The following RANBP17 variants were observed in gnomAD, a reference collection of about 807,000 sequenced individuals.
The protein encoded by RANBP17 is ran-binding protein 17.
Under a neutral mutation model 141.2 loss-of-function variants are expected in RANBP17, and 158 were observed. The observed-to-expected ratio is 1.12, with a 90% CI of 0.98 to 1.28. RANBP17 has a LOEUF of 1.28. Among genes scored for constraint, RANBP17 ranks in the 50% most tolerant of loss-of-function variants. The pLI is 0.00. For missense variants in RANBP17, 1,438 were observed against 1,290.7 expected (o/e 1.11, Z -1.75); for synonymous variants, 430 against 450.0 (o/e 0.96, Z 0.56).
chr5:171,016,773 T>A (rs1394784176), intron 14 of RANBP17, among the ~76,000 whole-genome samples: 2 of 152,012 alleles, frequency 1.3e-5, no homozygotes, highest in Non-Finnish European at 2.9e-5. Flanking sequence ...ATAATATGCA[T>A]TTTTTTATGT....
chr5:171,066,948 G>A (rs767272469), intron 14 of RANBP17, among the ~76,000 whole-genome samples: 10 of 152,112 alleles, frequency 6.6e-5, no homozygotes, highest in Non-Finnish European at 1.0e-4. Context: ...TATGAAGAAA[G>A]TTTTTTGTTT....
chr5:171,234,836 T>C (rs1764436833), intron 22 of RANBP17, among the ~76,000 whole-genome samples: 1 of 152,212 alleles, frequency 6.6e-6, no homozygotes, highest in South Asian at 2.1e-4. Context: ...AATATGGATT[T>C]TTGATTCTGG....
At chr5:171,220,307 C>T (rs892880728) in intron 21 of RANBP17, among the ~76,000 whole-genome samples, 5 of 151,196 alleles carry the variant, frequency 3.3e-5, no homozygotes, top group African/African-American at 1.2e-4. Context: ...TGTCAGTCAC[C>T]CCCCTACTGG....
intron 5 of RANBP17, among the ~76,000 whole-genome samples, chr5:170,898,957 G>T (rs1770379513): frequency 6.6e-6 from 1 of 152,142 alleles, no homozygotes; most frequent in Non-Finnish European, 1.5e-5. Context: ...GTAGCATGAT[G>T]CCTCCAGCTT....
intron 12 of RANBP17, among the ~76,000 whole-genome samples, chr5:170,928,011 A>ACT (rs1464951077): frequency 6.6e-6 from 1 of 151,980 alleles, no homozygotes; most frequent in Non-Finnish European, 1.5e-5. Flanking sequence ...AGTTTCACTT[A>ACT]CTCTGCATCC....
At chr5:171,256,805 G>GA (rs372648850) in intron 24 of RANBP17, among the ~76,000 whole-genome samples, 27 of 151,412 alleles carry the variant, frequency 1.8e-4, no homozygotes, top group Middle Eastern at 6.8e-3. Flanking sequence ...AGAAAGCCTA[G>GA]AAAAAAATGG....
At chr5:171,199,890 A>C (rs770996515) in intron 19 of RANBP17, 117 bp downstream of exon 19, 20 of 512,590 alleles carry the variant, frequency 3.9e-5, no homozygotes, top group Non-Finnish European at 5.9e-5. Context: ...CTGCTTTCCC[A>C]ATTGCATGTC....
intron 14 of RANBP17, among the ~76,000 whole-genome samples, chr5:170,977,327 TA>T (rs879304559): frequency 8.8e-4 from 131 of 148,248 alleles, no homozygotes; most frequent in African/African-American, 2.5e-3. Flanking sequence ...TGAATATGAT[TA>T]AAAAAAAAAG....
chr5:171,056,332 C>T (rs958746036), intron 14 of RANBP17, among the ~76,000 whole-genome samples: 7 of 152,028 alleles, frequency 4.6e-5, no homozygotes, highest in African/African-American at 1.7e-4. Flanking sequence ...TTATAAACCA[C>T]CTTTTAAAGA....
chr5:170,994,686 C>T (rs1778707669), intron 14 of RANBP17, among the ~76,000 whole-genome samples: 1 of 151,744 alleles, frequency 6.6e-6, no homozygotes, highest in African/African-American at 2.4e-5. Context: ...TTTTCAATAC[C>T]CTCTAGTAGA....
At chr5:170,964,563 A>G (rs147878188) in intron 13 of RANBP17, among the ~76,000 whole-genome samples, 2 of 152,014 alleles carry the variant, frequency 1.3e-5, no homozygotes, top group East Asian at 3.9e-4. Flanking sequence ...CCACCCCACA[A>G]CAGTCCACAG....
chr5:170,914,806 G>A (rs1771816324), intron 8 of RANBP17, among the ~76,000 whole-genome samples: 1 of 152,100 alleles, frequency 6.6e-6, no homozygotes, highest in Non-Finnish European at 1.5e-5. Flanking sequence ...GAGACTCTTA[G>A]CTCCATCTTT....
chr5:171,090,407 A>G (rs1338343622), intron 14 of RANBP17, among the ~76,000 whole-genome samples: 1 of 152,250 alleles, frequency 6.6e-6, no homozygotes, highest in Non-Finnish European at 1.5e-5. Context: ...CAAAGCATTC[A>G]AGAGGTGACT....
At chr5:171,097,967 C>T (rs1786824387) in intron 14 of RANBP17, among the ~76,000 whole-genome samples, 1 of 152,074 alleles carries the variant, frequency 6.6e-6, no homozygotes, top group Non-Finnish European at 1.5e-5. Context: ...GATATGAACT[C>T]ATCCTTTTTT....
At chr5:171,212,948 T>C (rs1219795090) in intron 20 of RANBP17, among the ~76,000 whole-genome samples, 16 of 152,162 alleles carry the variant, frequency 1.1e-4, no homozygotes, top group Admixed American at 1.0e-3. Context: ...TTAGCATTAA[T>C]AAGGATGTTA....
chr5:171,087,339 T>C (rs1785747111), intron 14 of RANBP17, among the ~76,000 whole-genome samples: 2 of 152,064 alleles, frequency 1.3e-5, no homozygotes, highest in Non-Finnish European at 2.9e-5. Flanking sequence ...TAGTTTGTTA[T>C]AATTTCTGTT....
intron 26 of RANBP17, among the ~76,000 whole-genome samples, chr5:171,294,634 A>G (rs1315199050): frequency 1.3e-5 from 2 of 152,242 alleles, no homozygotes; most frequent in East Asian, 3.8e-4. Context: ...CAGCCTTGGA[A>G]GGAAACTAAT....
chr5:171,000,755 G>A (rs939925089), intron 14 of RANBP17, among the ~76,000 whole-genome samples: 1 of 152,152 alleles, frequency 6.6e-6, no homozygotes, highest in African/African-American at 2.4e-5. Flanking sequence ...AATGTTTTAC[G>A]GGCAGGGGGT....
Position 170,889,958 on chromosome 5 carries a change from T to A in RANBP17, c.257-2429T>A, listed in dbSNP as rs887222100. Among the ~76,000 whole-genome samples the A allele has an allele frequency of 2.6e-5, 4 of 152,226 alleles. No homozygotes were observed. In the South Asian group the frequency reaches 8.3e-4, roughly 31 times the overall value. ...CATGAGAATATTTTGTGTAAAACAT[T>A]CAGCTAAAGTAACAGAAACATATTC... On this transcript the variant is annotated intron_variant, in intron 3 of 27. Transcript: ENST00000523189.
Sources: allele counts gnomAD v4.1 joint callset (sites outside exome capture counted in the v4.1 genomes callset), GRCh38; gene constraint gnomAD v4.1.1; transcripts MANE v1.5; gene names NCBI Gene and HGNC (gene_info 2026-07-23, HGNC 2026-07-21).